Variants in DBT observed in about 807,000 individuals in gnomAD.
The protein encoded by DBT is lipoamide acyltransferase component of branched-chain alpha-keto acid dehydrogenase complex, mitochondrial.
DBT carries 40 observed loss-of-function variants against 51.3 expected under a neutral mutation model. The observed-to-expected ratio is 0.78, with a 90% confidence interval of 0.61 to 1.02. The LOEUF (loss-of-function observed/expected upper bound fraction) is 1.02, where lower values mean the gene tolerates loss of function less well. DBT is among the 50% of genes least tolerant of loss of function. The pLI is 0.00. For synonymous variants in DBT, 181 were observed against 190.4 expected (o/e 0.95, Z 0.41); for missense variants, 510 against 580.2 (o/e 0.88, Z 1.24).
intron 4 of DBT, among the ~76,000 whole-genome samples, chr1:100,221,006 G>C (rs1029377141): frequency 6.6e-6 from 1 of 152,142 alleles, no homozygotes; most frequent in African/African-American, 2.4e-5. Flanking sequence ...CAATATGGTA[G>C]GAACTCCAAT....
chr1:100,211,207 A>G, intron 7 of DBT: 1 of 728,278 alleles, frequency 1.4e-6, no homozygotes. Flanking sequence ...AAGCGCACTG[A>G]CCAGTAGATG....
intron 2 of DBT, among the ~76,000 whole-genome samples, chr1:100,237,599 G>A (rs1663948795): frequency 6.6e-6 from 1 of 152,126 alleles, no homozygotes; most frequent in East Asian, 1.9e-4. Context: ...AGGGGAAGCA[G>A]GAGGCTACTT....
chr1:100,218,553 G>T, intron 5 of DBT, 73 bp downstream of exon 5: 1 of 1,542,740 alleles, frequency 6.5e-7, no homozygotes, highest in Non-Finnish European at 8.9e-7. Flanking sequence ...TCATGGGATA[G>T]TTGGCTAATT....
chr1:100,197,337 G>C (rs1661173944), intron 10 of DBT, among the ~76,000 whole-genome samples: 1 of 152,202 alleles, frequency 6.6e-6, no homozygotes, highest in Non-Finnish European at 1.5e-5. Context: ...GAGATGAGAA[G>C]CCCTTCAAAG....
intron 5 of DBT, among the ~76,000 whole-genome samples, chr1:100,218,004 A>G (rs1662599665): frequency 6.6e-6 from 1 of 152,144 alleles, no homozygotes; most frequent in Non-Finnish European, 1.5e-5. Context: ...GTTAAATGAG[A>G]ATACGTAAAT....
chr1:100,196,431 GAAAAAAAAAAAAAAAAAA>G lies in DBT; in HGVS notation c.1282-27_1282-10del. On this transcript the variant is annotated splice_polypyrimidine_tract_variant and intron_variant, in intron 10 of 10. Transcript: ENST00000370132. ...TTAAATCGGGGAATGGCCTAGAAAT[GAAAAAAAAAAAAAAAAAA>G]AAAAAAAAAAGAACAAAGAGTAAAC... 1.5e-6 allele frequency: 1 copy of G among 647,928 alleles called. No individual in the cohort carries two copies. Among genetic ancestry groups the G allele is most frequent in the Non-Finnish European group, 2.1e-6 (1 of 466,806 alleles). 40.1% of individuals were successfully genotyped at this position (647,928 alleles called of 1,614,324 possible). A position where few individuals can be genotyped will look rare whatever the true frequency, so the allele number is the denominator to read the frequency against.
intron 3 of DBT, among the ~76,000 whole-genome samples, chr1:100,235,197 T>C (rs376618796): frequency 1.4e-4 from 21 of 152,178 alleles, no homozygotes; most frequent in Non-Finnish European, 2.2e-4. Flanking sequence ...TTAGACTACC[T>C]GACAGTTTTA....
Position 100,206,614 on chromosome 1 carries a change from G to T in DBT, c.1040C>A (p.Ala347Glu). The T allele has an allele frequency of 6.2e-7, 1 of 1,608,534 alleles. No individual in the cohort carries two copies. The highest frequency in any genetic ancestry group is 8.5e-7 in the Non-Finnish European group (1 of 1,175,056). Residue 347 changes from alanine (A) to glutamate (E), a missense_variant, in exon 9 of 11, where the codon GCA (alanine) becomes GAA (glutamate). Coordinates refer to ENST00000370132, the MANE Select transcript of DBT (RefSeq NM_001918.5). ...AATCAAACCCTGCTCAGTATCCATT[G>T]CTATCCCAATGTTATGAGAAGCCTA... ...TYKASHNIGI[A>E]MDTEQGLIVP...
chr1:100,206,072 TAAAAA>T (rs35150096), intron 10 of DBT, among the ~76,000 whole-genome samples, 153 bp downstream of exon 10: 1 of 124,860 alleles, frequency 8.0e-6, no homozygotes, highest in Non-Finnish European at 1.7e-5. Flanking sequence ...AACTTAAAGT[TAAAAA>T]AAAAAAAAAA....
chr1:100,209,492 G>C (rs770673658), intron 8 of DBT, among the ~76,000 whole-genome samples: 7 of 152,058 alleles, frequency 4.6e-5, no homozygotes, highest in Non-Finnish European at 1.0e-4. Context: ...TGTATTAACC[G>C]TATGGGAGCT....
chr1:100,202,300 TA>T (rs538987415), intron 10 of DBT, among the ~76,000 whole-genome samples: 3 of 151,388 alleles, frequency 2.0e-5, no homozygotes, highest in East Asian at 1.9e-4. Flanking sequence ...CCAACAAAGA[TA>T]AAAAAAAGAC....
chr1:100,214,625 G>A (rs1488133741), intron 7 of DBT, among the ~76,000 whole-genome samples, 192 bp downstream of exon 7: 2 of 152,162 alleles, frequency 1.3e-5, no homozygotes, highest in Non-Finnish European at 2.9e-5. Context: ...GTGGTGGCAG[G>A]TGCCTGTATT....
chr1:100,201,319 C>T (rs550383219), intron 10 of DBT, among the ~76,000 whole-genome samples: 1 of 151,838 alleles, frequency 6.6e-6, no homozygotes, highest in South Asian at 2.1e-4. Context: ...TGAAGATCAA[C>T]TTTATGAAAT....
intron 4 of DBT, among the ~76,000 whole-genome samples, chr1:100,226,180 T>A (rs901499741): frequency 6.6e-6 from 1 of 152,086 alleles, no homozygotes; most frequent in Non-Finnish European, 1.5e-5. Context: ...AATGAAACAC[T>A]CTTTCCTTTC....
intron 10 of DBT, among the ~76,000 whole-genome samples, chr1:100,201,171 A>G (rs889189361): frequency 6.6e-6 from 1 of 152,134 alleles, no homozygotes; most frequent in Non-Finnish European, 1.5e-5. Flanking sequence ...GGTTAGAGGA[A>G]TTGCTAACTA....
At chr1:100,238,243 C>T (rs1664006878) in intron 2 of DBT, among the ~76,000 whole-genome samples, 1 of 135,850 alleles carries the variant, frequency 7.4e-6, no homozygotes. Context: ...CCTTCCCTCA[C>T]TTCCTTTCCT....
At position 100,219,449 on chromosome 1, in the gene DBT, G is replaced by T. The variant is rs533160476; in HGVS notation, c.434-702C>A. Among the ~76,000 whole-genome samples the T allele has an allele frequency of 2.0e-4, 31 of 152,188 alleles. 1 individual carries two copies. In the South Asian group the frequency reaches 6.4e-3, roughly 32 times the overall value. On this transcript the variant is annotated intron_variant, in intron 4 of 10. Transcript: ENST00000370132. ...GGATCAAATGTAAGATAAATTATAT[G>T]AAAGAATGGGCTGGGCACAATGGCT...
chr1:100,210,317 A>C lies in DBT; in HGVS notation c.1017+377T>G, dbSNP rs1265786335. ...AGAGTGAGACTCTGCCAATAATAAT[A>C]ATAATAATAAGAAGAAGAAGAAGAA... On this transcript the variant is annotated intron_variant, in intron 8 of 10. Coordinates refer to ENST00000370132, the MANE Select transcript of DBT (RefSeq NM_001918.5). Among the ~76,000 whole-genome samples the C allele has an allele frequency of 5.3e-5, 3 of 56,438 alleles. No individual in the cohort carries two copies. The East Asian group carries it at 4.3e-3, about 80-fold the overall frequency. The allele number at this position is 56,438 out of a possible 152,430, so 37.0% of individuals were successfully genotyped here.
At position 100,189,351 on chromosome 1, in the gene DBT, T is replaced by A. The variant is rs1660706346; in HGVS notation, c.*6904A>T. 6 of 143,448 alleles carry A rather than the reference T, an allele frequency of 4.2e-5. No individual in the cohort carries two copies. Among genetic ancestry groups the A allele is most frequent in the Non-Finnish European group, 7.6e-5 (5 of 66,050 alleles). 8.9% of individuals were successfully genotyped at this position (143,448 alleles called of 1,614,324 possible). A position where few individuals can be genotyped will look rare whatever the true frequency, so the allele number is the denominator to read the frequency against. On this transcript the variant is annotated 3_prime_UTR_variant, in exon 11 of 11. Transcript: ENST00000370132. ...CAGAGTGAGACTCCATCTCAAAAAT[T>A]AAAAAAAAAAAAAAAAAAAGCCTGT...
Sources: gnomAD v4.1 joint callset for allele counts (sites outside exome capture counted in the v4.1 genomes callset) on GRCh38, gnomAD v4.1.1 for gene constraint, MANE v1.5 for transcripts, NCBI Gene and HGNC (gene_info 2026-07-23, HGNC 2026-07-21) for gene names.